CEP85L: variants seen among roughly 807,000 people sequenced by gnomAD.
CEP85L encodes centrosomal protein 85L, also known as centrosomal protein of 85 kDa-like.
In CEP85L, 60 loss-of-function variants were observed where a neutral mutation model predicts 100.3. The observed-to-expected ratio is 0.60, with a 90% CI of 0.49 to 0.74. The LOEUF (loss-of-function observed/expected upper bound fraction) is 0.74. Among genes scored for constraint, CEP85L ranks in the 30% least tolerant of loss-of-function variants. The pLI, the probability that CEP85L is intolerant of heterozygous loss-of-function variation, is 0.00. For missense variants in CEP85L, 973 were observed against 936.2 expected, an observed-to-expected ratio of 1.04 and a Z score of -0.51; for synonymous variants, 319 against 322.7, an observed-to-expected ratio of 0.99 and a Z score of 0.12.
rs993901506 is a variant in CEP85L, at chr6:118,469,210, G to A, written c.2116C>T (p.Leu706=). Residue 706 remains leucine (L), a synonymous_variant, in exon 12 of 13, where the codon CTA becomes TTA. Coordinates refer to ENST00000368491, the MANE Select transcript of CEP85L (RefSeq NM_001042475.3). ...TGATCAATCACAGTCAAATCAAATA[G>A]TGGCCGTTTGGAAAGAACTGTCTGC... ...RQQTVLSKRP[L]FDLTVIDQLF... is the part of the protein sequence containing the mutation. 1.2e-6 allele frequency: 2 copies of A among 1,614,040 alleles called. No homozygotes were observed. The highest frequency in any genetic ancestry group is 1.3e-5 in the African/African-American group (1 of 75,024).
intron 4 of CEP85L, among the ~76,000 whole-genome samples, chr6:118,512,416 G>A (rs1776025160): frequency 6.6e-6 from 1 of 152,140 alleles, no homozygotes; most frequent in Non-Finnish European, 1.5e-5. Flanking sequence ...TGGAATTACT[G>A]GCTATTCCCA....
intron 1 of CEP85L, among the ~76,000 whole-genome samples, chr6:118,633,046 T>G (rs1381803387): frequency 6.6e-6 from 1 of 152,194 alleles, no homozygotes; most frequent in Non-Finnish European, 1.5e-5. Flanking sequence ...ACATGGAATA[T>G]GAAAACAATC....
chr6:118,574,082 A>C (rs1402635102), intron 2 of CEP85L: 1 of 152,210 alleles, frequency 6.6e-6, no homozygotes, highest in Non-Finnish European at 1.5e-5. Context: ...CTTCCTGCTC[A>C]ATCTGTAATG....
chr6:118,601,847 T>C (rs546278982), intron 2 of CEP85L, among the ~76,000 whole-genome samples: 4 of 152,292 alleles, frequency 2.6e-5, no homozygotes, highest in African/African-American at 9.6e-5. Flanking sequence ...ATTTTGGTTT[T>C]GGTAGGTTTT....
At chr6:118,551,127 G>T (rs547131025) in intron 3 of CEP85L, among the ~76,000 whole-genome samples, 2 of 151,800 alleles carry the variant, frequency 1.3e-5, no homozygotes, top group South Asian at 2.1e-4. Context: ...ATCACATTTC[G>T]ATACTTTATT....
At chr6:118,557,352 A>G (rs1778937540) in intron 3 of CEP85L, among the ~76,000 whole-genome samples, 1 of 152,224 alleles carries the variant, frequency 6.6e-6, no homozygotes, top group Non-Finnish European at 1.5e-5. Context: ...TAAAGAAACT[A>G]TATGTTAGAA....
intron 1 of CEP85L, among the ~76,000 whole-genome samples, chr6:118,694,266 T>C (rs73768526): frequency 0.03 from 4,533 of 152,260 alleles, 233 homozygotes; most frequent in African/African-American, 0.1. Flanking sequence ...TGTTCATTCA[T>C]CTCCCAGTTC....
intron 5 of CEP85L, among the ~76,000 whole-genome samples, chr6:118,499,687 A>G (rs1325313167): frequency 6.6e-6 from 1 of 151,994 alleles, no homozygotes; most frequent in Non-Finnish European, 1.5e-5. Context: ...AACAAAACAA[A>G]CAAAAAAACA....
Position 118,639,590 on chromosome 6 carries a change from C to T in CEP85L, c.74-6979G>A, listed in dbSNP as rs140366879. Among the ~76,000 whole-genome samples, 885 of 152,250 alleles carry T rather than the reference C, an allele frequency of 5.8e-3. 5 individuals carry two copies. The highest frequency in any genetic ancestry group is 0.011 in the Non-Finnish European group (752 of 68,008). On this transcript the variant is annotated intron_variant, in intron 1 of 12. Transcript: ENST00000368491. ...TGATTCCTCCAGGTGGCATTAAATA[C>T]TTTGTTCACTCCCAATATATTATTC...
At chr6:118,566,425 C>CTT in intron 2 of CEP85L, 109 bp from the exon 3 acceptor site, 16 of 866,042 alleles carry the variant, frequency 1.8e-5, no homozygotes, top group East Asian at 1.8e-4. Context: ...ATAGCACAAG[C>CTT]TTTTTTTTTT....
intron 3 of CEP85L, among the ~76,000 whole-genome samples, chr6:118,544,544 T>G (rs987684068): frequency 1.7e-4 from 26 of 152,214 alleles, no homozygotes; most frequent in Non-Finnish European, 1.6e-4. Context: ...TTTCTATCAC[T>G]TAGAATGTTT....
At chr6:118,481,264 G>C (rs1773763060) in intron 8 of CEP85L, among the ~76,000 whole-genome samples, 1 of 151,316 alleles carries the variant, frequency 6.6e-6, no homozygotes, top group South Asian at 2.1e-4. Flanking sequence ...AAAGCCATTA[G>C]GTAAAGGGTT....
intron 8 of CEP85L, 78 bp from the exon 9 acceptor site, chr6:118,480,591 T>C (rs190818558): frequency 5.3e-5 from 47 of 885,794 alleles, no homozygotes; most frequent in Non-Finnish European, 7.4e-5. Flanking sequence ...TAAATGATTA[T>C]TGCTTTATTA....
At chr6:118,594,055 G>C (rs919462442) in intron 2 of CEP85L, among the ~76,000 whole-genome samples, 2 of 152,184 alleles carry the variant, frequency 1.3e-5, no homozygotes, top group South Asian at 2.1e-4. Context: ...CTACCACCCT[G>C]TGTACTTCGC....
intron 2 of CEP85L, among the ~76,000 whole-genome samples, chr6:118,581,649 C>G (rs1780585741): frequency 6.6e-6 from 1 of 152,062 alleles, no homozygotes; most frequent in Non-Finnish European, 1.5e-5. Context: ...ATGCCCCCTA[C>G]TGTTTTCTTC....
At chr6:118,596,060 T>C (rs1781444086) in intron 2 of CEP85L, among the ~76,000 whole-genome samples, 2 of 152,160 alleles carry the variant, frequency 1.3e-5, no homozygotes, top group Admixed American at 6.5e-5. Flanking sequence ...TAAAAGGAGA[T>C]AAACACATTT....
At position 118,472,132 on chromosome 6, in the gene CEP85L, G is replaced by A. The variant is rs571131432; in HGVS notation, c.1915-1488C>T. Among the ~76,000 whole-genome samples the A allele has an allele frequency of 2.6e-5, 4 of 151,822 alleles. No individual in the cohort carries two copies. The East Asian group carries it at 7.7e-4, about 29-fold the overall frequency. ...ATTATAATAATGATACATTGTAACA[G>A]AATACAGTCCTTTAAAAGATAAGAG... On this transcript the variant is annotated intron_variant, in intron 10 of 12. Transcript: ENST00000368491.
chr6:118,541,612 C>T (rs1777906573), intron 3 of CEP85L, among the ~76,000 whole-genome samples: 1 of 152,100 alleles, frequency 6.6e-6, no homozygotes, highest in Non-Finnish European at 1.5e-5. Flanking sequence ...GCATAGAAGC[C>T]ATTATGTTTT....
intron 2 of CEP85L, among the ~76,000 whole-genome samples, chr6:118,602,287 G>T (rs1358308711): frequency 1.3e-5 from 2 of 152,156 alleles, no homozygotes; most frequent in Non-Finnish European, 2.9e-5. Flanking sequence ...AAAATATTCA[G>T]TAAGCTTCTC....
Sources: allele counts gnomAD v4.1 joint callset (sites outside exome capture counted in the v4.1 genomes callset), GRCh38; gene constraint gnomAD v4.1.1; transcripts MANE v1.5; gene names NCBI Gene and HGNC (gene_info 2026-07-23, HGNC 2026-07-21).